The following ADCY8 variants were observed in gnomAD, a reference collection of about 807,000 sequenced individuals.
ADCY8 encodes the protein adenylate cyclase type 8.
ADCY8 carries 51 observed loss-of-function variants against 119.7 expected under a neutral mutation model. The observed-to-expected ratio is 0.43, with a 90% confidence interval of 0.34 to 0.54. The LOEUF (loss-of-function observed/expected upper bound fraction) is 0.54. ADCY8 is among the 20% of genes least tolerant of loss of function. The probability of loss-of-function intolerance (pLI) is 0.03; values close to 1 mark genes in which losing one functional copy is unlikely to be tolerated. For synonymous variants in ADCY8, 665 were observed against 651.0 expected (o/e 1.02, Z -0.33); for missense variants, 1,383 against 1,598.8 (o/e 0.87, Z 2.30).
chr8:130,842,224 A>G (rs923656261), intron 11 of ADCY8, among the ~76,000 whole-genome samples: 3 of 152,028 alleles, frequency 2.0e-5, no homozygotes, highest in Non-Finnish European at 4.4e-5. Context: ...TGTCTTTATT[A>G]TGGCTTGAGT....
At chr8:130,989,303 T>A (rs1822501780) in intron 2 of ADCY8, among the ~76,000 whole-genome samples, 1 of 152,194 alleles carries the variant, frequency 6.6e-6, no homozygotes, top group Admixed American at 6.5e-5. Flanking sequence ...TACCTGTCTG[T>A]CTCATCCATT....
intron 8 of ADCY8, among the ~76,000 whole-genome samples, chr8:130,881,862 T>G (rs75155819): frequency 6.6e-5 from 10 of 151,908 alleles, no homozygotes; most frequent in Admixed American, 5.9e-4. Context: ...TTTTTTTTTT[T>G]TGTCCACATT....
intron 2 of ADCY8, among the ~76,000 whole-genome samples, chr8:130,979,779 A>C (rs1822183961): frequency 6.6e-6 from 1 of 152,194 alleles, no homozygotes; most frequent in South Asian, 2.1e-4. Flanking sequence ...TGAAGTACAG[A>C]ACCTCACACA....
At chr8:130,876,903 G>T (rs1818588760) in intron 8 of ADCY8, among the ~76,000 whole-genome samples, 1 of 152,080 alleles carries the variant, frequency 6.6e-6, no homozygotes, top group Non-Finnish European at 1.5e-5. Flanking sequence ...ATTTTTCAAG[G>T]TGTGGCAGAA....
intron 7 of ADCY8, among the ~76,000 whole-genome samples, chr8:130,898,793 A>G (rs775073247): frequency 6.6e-6 from 1 of 152,236 alleles, no homozygotes; most frequent in African/African-American, 2.4e-5. Flanking sequence ...TTATAGCTAC[A>G]TAAAAACCTT....
At chr8:130,867,248 T>C (rs1268234719) in intron 9 of ADCY8, among the ~76,000 whole-genome samples, 1 of 152,182 alleles carries the variant, frequency 6.6e-6, no homozygotes, top group East Asian at 1.9e-4. Context: ...ACCCAGACTC[T>C]AGAGCTAGTC....
At chr8:130,868,807 T>C (rs144830491) in intron 8 of ADCY8, among the ~76,000 whole-genome samples, 6 of 152,318 alleles carry the variant, frequency 3.9e-5, no homozygotes, top group Admixed American at 3.9e-4. Flanking sequence ...GATAGAAAAC[T>C]AAGTGTCACT....
At chr8:130,813,993 G>A in intron 14 of ADCY8, 76 bp downstream of exon 14, 1 of 1,547,020 alleles carries the variant, frequency 6.5e-7, no homozygotes, top group Non-Finnish European at 8.8e-7. Flanking sequence ...TTCTCCCAGA[G>A]TTTGGGATCA....
chr8:130,945,079 A>G (rs1008873072), intron 3 of ADCY8, among the ~76,000 whole-genome samples: 53 of 152,286 alleles, frequency 3.5e-4, no homozygotes, highest in African/African-American at 1.2e-3. Context: ...GAGCAGAGAG[A>G]ACAGTACATT....
chr8:130,956,787 G>A (rs912039690), intron 2 of ADCY8, among the ~76,000 whole-genome samples: 10 of 152,066 alleles, frequency 6.6e-5, no homozygotes, highest in African/African-American at 2.2e-4. Flanking sequence ...TAGATTTGAT[G>A]GTTTGATAAG....
At chr8:130,971,319 C>T (rs1018141801) in intron 2 of ADCY8, among the ~76,000 whole-genome samples, 7 of 152,132 alleles carry the variant, frequency 4.6e-5, no homozygotes, top group African/African-American at 1.7e-4. Context: ...GAGAAGGAAC[C>T]TCTTACAAGA....
At chr8:131,031,918 C>T (rs759546421) in intron 1 of ADCY8, among the ~76,000 whole-genome samples, 1 of 152,018 alleles carries the variant, frequency 6.6e-6, no homozygotes, top group Admixed American at 6.6e-5. Context: ...TTTGATAATG[C>T]ATTCTCTAAC....
chr8:131,004,555 C>A (rs1823055911), intron 1 of ADCY8, among the ~76,000 whole-genome samples: 2 of 152,204 alleles, frequency 1.3e-5, no homozygotes, highest in East Asian at 3.9e-4. Flanking sequence ...ATCAGGCTCA[C>A]CCATTATGAA....
At chr8:130,836,155 G>T in intron 12 of ADCY8, 122 bp downstream of exon 12, 1 of 1,101,086 alleles carries the variant, frequency 9.1e-7, no homozygotes, top group Non-Finnish European at 1.3e-6. Flanking sequence ...CCTGATTTGA[G>T]ATATAAGTCA....
intron 7 of ADCY8, among the ~76,000 whole-genome samples, chr8:130,885,485 A>C (rs980022902): frequency 1.3e-5 from 2 of 152,084 alleles, no homozygotes; most frequent in Admixed American, 1.3e-4. Flanking sequence ...ACGGCTGGTC[A>C]CTGGATATGG....
At chr8:130,974,698 T>A (rs1455912111) in intron 2 of ADCY8, among the ~76,000 whole-genome samples, 1 of 152,224 alleles carries the variant, frequency 6.6e-6, no homozygotes, top group African/African-American at 2.4e-5. Flanking sequence ...GCTGGAAAGC[T>A]AATGATTTAA....
chr8:130,891,003 G>C (rs1466763864), intron 7 of ADCY8, among the ~76,000 whole-genome samples: 2 of 152,156 alleles, frequency 1.3e-5, no homozygotes, highest in African/African-American at 4.8e-5. Context: ...CAGCTGTGCA[G>C]CTTCTGTCTT....
chr8:131,015,497 C>G (rs1007352048), intron 1 of ADCY8, among the ~76,000 whole-genome samples: 3 of 152,006 alleles, frequency 2.0e-5, no homozygotes, highest in Non-Finnish European at 4.4e-5. Flanking sequence ...CTGAATGGTG[C>G]AAATAAAGGG....
chr8:130,867,299 G>T (rs897406252), intron 9 of ADCY8, among the ~76,000 whole-genome samples: 1 of 152,116 alleles, frequency 6.6e-6, no homozygotes, highest in Non-Finnish European at 1.5e-5. Context: ...TGAACTATGG[G>T]ATCTTAGGGA....
Sources: gnomAD v4.1 joint callset for allele counts (sites outside exome capture counted in the v4.1 genomes callset) on GRCh38, gnomAD v4.1.1 for gene constraint, MANE v1.5 for transcripts, NCBI Gene and HGNC (gene_info 2026-07-23, HGNC 2026-07-21) for gene names.